ELOVL7: variants seen among roughly 807,000 people sequenced by gnomAD.
The protein encoded by ELOVL7 is ELOVL fatty acid elongase 7.
ELOVL7 carries 27 observed loss-of-function variants against 35.7 expected under a neutral mutation model. The ratio of observed to expected loss-of-function variants is 0.76; its 90% CI spans 0.56 to 1.04. The LOEUF (loss-of-function observed/expected upper bound fraction) is 1.04, where lower values mean the gene tolerates loss of function less well. Among genes scored for constraint, ELOVL7 ranks in the 50% least tolerant of loss-of-function variants. The pLI, the probability that ELOVL7 is intolerant of heterozygous loss-of-function variation, is 0.00. For missense variants in ELOVL7, 327 were observed against 340.8 expected (o/e 0.96, Z 0.32); for synonymous variants, 113 against 114.6 (o/e 0.99, Z 0.09).
intron 7 of ELOVL7, among the ~76,000 whole-genome samples, chr5:60,760,203 G>C (rs536805573): frequency 1.3e-5 from 2 of 152,318 alleles, no homozygotes; most frequent in East Asian, 3.9e-4. Context: ...AGATCCCTGA[G>C]GAATCGCCAC....
intron 2 of ELOVL7, among the ~76,000 whole-genome samples, chr5:60,797,696 G>A (rs562159722): frequency 4.7e-4 from 71 of 152,310 alleles, no homozygotes; most frequent in African/African-American, 1.7e-3. Flanking sequence ...TGGCCAATGG[G>A]ACTTTAGGCA....
At chr5:60,763,657 C>T (rs1742056198) in intron 7 of ELOVL7, among the ~76,000 whole-genome samples, 1 of 152,084 alleles carries the variant, frequency 6.6e-6, no homozygotes. Context: ...ACCTGTTTTC[C>T]AAACTTTCCA....
At chr5:60,787,280 G>T in intron 3 of ELOVL7, 54 bp downstream of exon 3, 1 of 1,412,150 alleles carries the variant, frequency 7.1e-7, no homozygotes, top group Non-Finnish European at 9.9e-7. Context: ...TTAAATATGA[G>T]AATCTGACAT....
chr5:60,817,858 AT>A (rs1745623891), intron 1 of ELOVL7, among the ~76,000 whole-genome samples: 1 of 147,170 alleles, frequency 6.8e-6, no homozygotes, highest in Non-Finnish European at 1.5e-5. Context: ...GTATATATAT[AT>A]ATATATATAC....
chr5:60,818,656 C>T (rs1400863020), intron 1 of ELOVL7, among the ~76,000 whole-genome samples: 1 of 152,018 alleles, frequency 6.6e-6, no homozygotes, highest in African/African-American at 2.4e-5. Context: ...AGATAATTCG[C>T]TACACAGAGA....
At chr5:60,783,803 C>T (rs1743402286) in intron 3 of ELOVL7, among the ~76,000 whole-genome samples, 1 of 152,104 alleles carries the variant, frequency 6.6e-6, no homozygotes, top group Non-Finnish European at 1.5e-5. Context: ...CTTGAATGTT[C>T]CCTGTATCAT....
At chr5:60,842,563 A>G (rs1295258093) in intron 1 of ELOVL7, among the ~76,000 whole-genome samples, 1 of 151,736 alleles carries the variant, frequency 6.6e-6, no homozygotes, top group African/African-American at 2.4e-5. Context: ...GACACATAAG[A>G]AGGAAAAGAG....
chr5:60,790,292 G>T (rs1238680103), intron 2 of ELOVL7, among the ~76,000 whole-genome samples: 1 of 152,076 alleles, frequency 6.6e-6, no homozygotes, highest in Non-Finnish European at 1.5e-5. Context: ...AAGGGAATGG[G>T]GTACAAACTG....
At chr5:60,824,416 G>A (rs919099795) in intron 1 of ELOVL7, among the ~76,000 whole-genome samples, 2 of 152,148 alleles carry the variant, frequency 1.3e-5, no homozygotes, top group South Asian at 2.1e-4. Flanking sequence ...GGATTGAAGC[G>A]AAGAACAAGA....
chr5:60,819,888 C>T (rs1745787992), intron 1 of ELOVL7, among the ~76,000 whole-genome samples: 1 of 152,152 alleles, frequency 6.6e-6, no homozygotes, highest in Admixed American at 6.5e-5. Flanking sequence ...CCCCTCCGCG[C>T]CTAATATGTC....
chr5:60,757,752 A>T (rs1741633516), intron 7 of ELOVL7, 107 bp from the exon 8 acceptor site: 2 of 884,148 alleles, frequency 2.3e-6, no homozygotes, highest in Non-Finnish European at 3.3e-6. Flanking sequence ...TTTGGAAAAA[A>T]ATATATAAAA....
rs987952021 is a variant in ELOVL7 at position 60,813,224 on chromosome 5, C to T, written c.-85-13994G>A. ...GCCATTAGAATCATCTTTGACTGTG[C>T]TCTTTTACCTCCAACCTGTGAGCTG... On this transcript the variant is annotated intron_variant, in intron 1 of 8. Coordinates refer to ENST00000508821, the MANE Select transcript of ELOVL7 (RefSeq NM_024930.3). Among the ~76,000 whole-genome samples the T allele has an allele frequency of 2.0e-5, 3 of 152,244 alleles. No individual in the cohort carries two copies. In the East Asian group the frequency reaches 5.8e-4, roughly 29 times the overall value.
At chr5:60,760,876 C>A (rs1351683836) in intron 7 of ELOVL7, among the ~76,000 whole-genome samples, 1 of 152,000 alleles carries the variant, frequency 6.6e-6, no homozygotes, top group African/African-American at 2.4e-5. Context: ...GATATTTTCA[C>A]CATTAAATAT....
chr5:60,754,438 C>A lies in ELOVL7; in HGVS notation c.*186G>T. Reference sequence around the variant, plus strand: ...AAAAACAAATTCTGGCTGCTGTAGGCTCTAATTATCAGAAGACTGTTATCT... The same window carrying A: ...AAAAACAAATTCTGGCTGCTGTAGGATCTAATTATCAGAAGACTGTTATCT... On this transcript the variant is annotated 3_prime_UTR_variant, in exon 9 of 9. Transcript: ENST00000508821. The A allele has an allele frequency of 1.7e-6, 1 of 583,600 alleles. No individual in the cohort carries two copies. Among genetic ancestry groups the A allele is most frequent in the Non-Finnish European group, 3.0e-6 (1 of 332,436 alleles). The allele number at this position is 583,600 out of a possible 1,614,324, so 36.2% of individuals were successfully genotyped here. A position where few individuals can be genotyped will look rare whatever the true frequency, so the allele number is the denominator to read the frequency against.
chr5:60,820,180 A>G (rs1745803657), intron 1 of ELOVL7, among the ~76,000 whole-genome samples: 1 of 152,196 alleles, frequency 6.6e-6, no homozygotes, highest in East Asian at 1.9e-4. Flanking sequence ...GCCACAAAAA[A>G]AGTAAATCCT....
At chr5:60,814,174 T>C (rs2112329177) in intron 1 of ELOVL7, among the ~76,000 whole-genome samples, 1 of 152,302 alleles carries the variant, frequency 6.6e-6, no homozygotes, top group East Asian at 1.9e-4. Flanking sequence ...AAGAAAGCTG[T>C]CTTGATTAAA....
At chr5:60,799,159 G>C (rs979264087) in intron 2 of ELOVL7, 21 bp downstream of exon 2, 2 of 151,924 alleles carry the variant, frequency 1.3e-5, no homozygotes, top group African/African-American at 4.8e-5. Flanking sequence ...TGAGACAAAT[G>C]AAAATGAAAA....
intron 7 of ELOVL7, among the ~76,000 whole-genome samples, chr5:60,763,824 CAT>C (rs1040431719): frequency 5.3e-5 from 8 of 152,062 alleles, no homozygotes; most frequent in Non-Finnish European, 8.8e-5. Flanking sequence ...GCAAATAAGA[CAT>C]AGAATTTGAG....
intron 1 of ELOVL7, among the ~76,000 whole-genome samples, chr5:60,812,718 C>T (rs530994301): frequency 6.6e-6 from 1 of 152,260 alleles, no homozygotes; most frequent in Non-Finnish European, 1.5e-5. Context: ...CTTGCTAAAC[C>T]TAAAGGCTTA....
Sources: gnomAD v4.1 joint callset for allele counts (sites outside exome capture counted in the v4.1 genomes callset) on GRCh38, gnomAD v4.1.1 for gene constraint, MANE v1.5 for transcripts, NCBI Gene and HGNC (gene_info 2026-07-23, HGNC 2026-07-21) for gene names.